The following MPDZ variants were observed in gnomAD, a reference collection of about 807,000 sequenced individuals.
MPDZ encodes the protein multiple PDZ domain crumbs cell polarity complex component.
Under a neutral mutation model 239.1 loss-of-function variants are expected in MPDZ, and 234 were observed. The observed-to-expected ratio is 0.98, with a 90% CI of 0.88 to 1.09. MPDZ has a LOEUF of 1.09. MPDZ is among the 50% of genes least tolerant of loss of function. The probability of loss-of-function intolerance (pLI) is 0.00; values close to 1 mark genes in which losing one functional copy is unlikely to be tolerated. For missense variants in MPDZ, 3,175 were observed against 2,510.0 expected, an observed-to-expected ratio of 1.26 and a Z score of -5.66; for synonymous variants, 1,048 against 881.3, an observed-to-expected ratio of 1.19 and a Z score of -3.35.
chr9:13,252,903 T>C (rs1968483837), intron 1 of MPDZ, among the ~76,000 whole-genome samples: 1 of 152,198 alleles, frequency 6.6e-6, no homozygotes, highest in African/African-American at 2.4e-5. Context: ...CAACTAGCTA[T>C]ACGCCCTTGT....
intron 12 of MPDZ, among the ~76,000 whole-genome samples, chr9:13,198,791 A>G (rs193064325): frequency 1.2e-3 from 74 of 60,402 alleles, no homozygotes; most frequent in Middle Eastern, 0.023. Context: ...GTGTTTTAGG[A>G]CAGGCCTTTG....
chr9:13,196,379 T>G (rs1179412481), intron 12 of MPDZ, 149 bp from the exon 13 acceptor site: 5 of 488,286 alleles, frequency 1.0e-5, no homozygotes, highest in Non-Finnish European at 1.8e-5. Context: ...CCATAATTAT[T>G]TAAATACTTC....
rs1266032633 is a variant in MPDZ at position 13,278,871 on chromosome 9, TG to T, written c.-58+528del. Among the ~76,000 whole-genome samples the T allele has an allele frequency of 2.0e-5, 3 of 152,084 alleles. No homozygotes were observed. In the East Asian group the frequency reaches 6.0e-4, roughly 30 times the overall value. ...CATCCCGGGACCACGTAACGGCGGA[TG>T]GGGCGTCCGGGAGCGGCCCCTGCAG... is the stretch of plus-strand genomic sequence containing the variant. On this transcript the variant is annotated intron_variant, in intron 1 of 46. Transcript: ENST00000319217.
intron 1 of MPDZ, among the ~76,000 whole-genome samples, chr9:13,269,091 T>C (rs1972425788): frequency 6.6e-6 from 1 of 152,056 alleles, no homozygotes; most frequent in Non-Finnish European, 1.5e-5. Context: ...TACAGACTCA[T>C]TCATTAGAGG....
At chr9:13,246,176 G>A (rs571305780) in intron 3 of MPDZ, among the ~76,000 whole-genome samples, 5 of 152,084 alleles carry the variant, frequency 3.3e-5, no homozygotes, top group Non-Finnish European at 5.9e-5. Flanking sequence ...TGCCAGGCGC[G>A]ATGGCTCACT....
At chr9:13,130,140 C>G (rs1945744847) in intron 32 of MPDZ, among the ~76,000 whole-genome samples, 1 of 152,148 alleles carries the variant, frequency 6.6e-6, no homozygotes. Flanking sequence ...AAAAATAAAT[C>G]TTTAATCAAA....
chr9:13,161,197 A>G (rs1950443401), intron 23 of MPDZ, among the ~76,000 whole-genome samples: 1 of 151,974 alleles, frequency 6.6e-6, no homozygotes, highest in Non-Finnish European at 1.5e-5. Flanking sequence ...GTGCAGAGGA[A>G]TCAGTGAAGC....
At chr9:13,220,060 T>G (rs965628299) in intron 7 of MPDZ, among the ~76,000 whole-genome samples, 7 of 152,006 alleles carry the variant, frequency 4.6e-5, no homozygotes, top group African/African-American at 1.7e-4. Flanking sequence ...GATTTCTACC[T>G]AAATGCCTTT....
At chr9:13,262,459 A>G (rs886732397) in intron 1 of MPDZ, among the ~76,000 whole-genome samples, 1 of 152,242 alleles carries the variant, frequency 6.6e-6, no homozygotes, top group African/African-American at 2.4e-5. Flanking sequence ...TCAAAAAAAT[A>G]ATAATAAAAA....
At chr9:13,229,537 A>G (rs1027603868) in intron 3 of MPDZ, among the ~76,000 whole-genome samples, 2 of 151,476 alleles carry the variant, frequency 1.3e-5, no homozygotes, top group Admixed American at 1.3e-4. Context: ...AAAGATAAAA[A>G]TACCTGACAA....
At chr9:13,121,640 A>G in intron 38 of MPDZ, 99 bp downstream of exon 38, 1 of 1,240,238 alleles carries the variant, frequency 8.1e-7, no homozygotes. Context: ...ACTGAACACT[A>G]GCCACTGATA....
chr9:13,134,045 G>T, intron 31 of MPDZ, 141 bp from the exon 32 acceptor site: 2 of 314,396 alleles, frequency 6.4e-6, no homozygotes, highest in East Asian at 5.4e-5. Context: ...ATACACTATT[G>T]CTATTTTAAT....
chr9:13,148,612 G>C (rs1334767861), intron 25 of MPDZ, among the ~76,000 whole-genome samples: 1 of 151,680 alleles, frequency 6.6e-6, no homozygotes, highest in Non-Finnish European at 1.5e-5. Flanking sequence ...CTTTTTTGTA[G>C]AACAAAAGTC....
chr9:13,190,767 T>C (rs1954804458), intron 15 of MPDZ, among the ~76,000 whole-genome samples: 1 of 152,178 alleles, frequency 6.6e-6, no homozygotes, highest in Admixed American at 6.5e-5. Flanking sequence ...GGTTATTTCA[T>C]TAACAAATTA....
At chr9:13,241,864 C>T (rs1159560752) in intron 3 of MPDZ, among the ~76,000 whole-genome samples, 1 of 152,206 alleles carries the variant, frequency 6.6e-6, no homozygotes, top group East Asian at 1.9e-4. Context: ...ACTCCTCAGA[C>T]ATGTCCTGGT....
chr9:13,265,576 A>T (rs184892244), intron 1 of MPDZ, among the ~76,000 whole-genome samples: 52 of 152,306 alleles, frequency 3.4e-4, no homozygotes, highest in Admixed American at 3.3e-3. Context: ...TCTCAAAAAG[A>T]AAAGAAGAAA....
chr9:13,230,276 A>G (rs1270895915), intron 3 of MPDZ, among the ~76,000 whole-genome samples: 1 of 152,158 alleles, frequency 6.6e-6, no homozygotes, highest in Non-Finnish European at 1.5e-5. Context: ...TGCATTTACC[A>G]TACAATCTAG....
intron 35 of MPDZ, among the ~76,000 whole-genome samples, 166 bp downstream of exon 35, chr9:13,125,050 T>C (rs2131747731): frequency 6.6e-6 from 1 of 152,222 alleles, no homozygotes; most frequent in Admixed American, 6.5e-5. Flanking sequence ...TCCAGTACTC[T>C]TTTTCCAGAA....
intron 3 of MPDZ, among the ~76,000 whole-genome samples, chr9:13,226,888 T>C (rs1305314255): frequency 6.6e-6 from 1 of 152,190 alleles, no homozygotes; most frequent in Non-Finnish European, 1.5e-5. Flanking sequence ...CTAACTCTGA[T>C]CCAATCTCCT....
Sources: gnomAD v4.1 joint callset for allele counts (sites outside exome capture counted in the v4.1 genomes callset) on GRCh38, gnomAD v4.1.1 for gene constraint, MANE v1.5 for transcripts, NCBI Gene and HGNC (gene_info 2026-07-23, HGNC 2026-07-21) for gene names.